MYH14: variants seen among roughly 807,000 people sequenced by gnomAD.
The protein encoded by MYH14 is myosin-14.
MYH14 carries 123 observed loss-of-function variants against 255.5 expected under a neutral mutation model. The ratio of observed to expected loss-of-function variants is 0.48; its 90% confidence interval spans 0.42 to 0.56. MYH14 has a LOEUF of 0.56. Ranked by LOEUF, MYH14 falls within the 20% of genes least tolerant of loss-of-function variation. MYH14 has a pLI of 0.00. For synonymous variants in MYH14, 1,095 were observed against 1,161.2 expected, an observed-to-expected ratio of 0.94 and a Z score of 1.16; for missense variants, 2,423 against 2,802.3, an observed-to-expected ratio of 0.86 and a Z score of 3.06.
intron 3 of MYH14, among the ~76,000 whole-genome samples, chr19:50,222,179 C>T (rs1032740510): frequency 2.0e-5 from 3 of 152,046 alleles, no homozygotes; most frequent in South Asian, 4.2e-4. Flanking sequence ...TAATTACCCC[C>T]GTTTAAGAAC....
At chr19:50,268,390 C>G (rs866338416) in intron 24 of MYH14, 23 bp downstream of exon 24, 1 of 1,548,790 alleles carries the variant, frequency 6.5e-7, no homozygotes, top group South Asian at 1.2e-5. Flanking sequence ...GCATGCCCAC[C>G]AGGCCACCCT....
At chr19:50,224,771 T>C in intron 6 of MYH14, 2 of 456,426 alleles carry the variant, frequency 4.4e-6, no homozygotes, top group South Asian at 3.1e-5. Context: ...GCCAGACTGC[T>C]TGAAGCACTT....
chr19:50,290,988 T>C lies in MYH14; in HGVS notation c.5067T>C (p.Ala1689=), dbSNP rs1323113798. The change falls in exon 36 of 43, where the codon GCT becomes GCC. Residue 1689 remains alanine, a synonymous_variant. Transcript: ENST00000642316. ...KLEGELEELK[A]QMASAGQGKE... ...AGGGAGAGCTGGAGGAGCTGAAGGC[T>C]CAGATGGCCTCTGCCGGCCAGGGCA... 1.2e-6 allele frequency: 2 copies of C among 1,610,966 alleles called. No homozygotes were observed. Among genetic ancestry groups the C allele is most frequent in the Non-Finnish European group, 1.7e-6 (2 of 1,179,040 alleles).
intron 19 of MYH14, among the ~76,000 whole-genome samples, chr19:50,260,010 T>C (rs1252109510): frequency 6.6e-6 from 1 of 152,036 alleles, no homozygotes; most frequent in Non-Finnish European, 1.5e-5. Flanking sequence ...GCACCGTCCC[T>C]TAGAAGTAGA....
chr19:50,306,534 T>C (rs2036659728), intron 40 of MYH14, among the ~76,000 whole-genome samples: 1 of 152,078 alleles, frequency 6.6e-6, no homozygotes, highest in Non-Finnish European at 1.5e-5. Context: ...TGAAATAAAC[T>C]GACAATAAAT....
At position 50,289,461 on chromosome 19, in the gene MYH14, G is replaced by A. The variant is rs776185423; in HGVS notation, c.4778G>A (p.Arg1593Gln). 31 of 1,611,634 alleles carry A rather than the reference G, an allele frequency of 1.9e-5. No homozygotes were observed. The highest frequency in any genetic ancestry group is 2.3e-5 in the Non-Finnish European group (27 of 1,179,116). ...KSVHELERAC[R>Q]VAEQAANDLR... ...GTGCATGAGCTGGAACGAGCCTGCC[G>A]GGTAGCAGAACAGGCAGCCAATGAT... Residue 1593 changes from arginine (R) to glutamine (Q), a missense_variant, in exon 35 of 43, where the codon CGG (arginine) becomes CAG (glutamine). Transcript: ENST00000642316.
intron 2 of MYH14, among the ~76,000 whole-genome samples, chr19:50,216,029 A>G (rs2032455570): frequency 6.6e-6 from 1 of 152,224 alleles, no homozygotes; most frequent in Admixed American, 6.5e-5. Context: ...TAGTTTAGCT[A>G]GCTAACTTTA....
At chr19:50,229,437 C>T (rs1013273431) in intron 8 of MYH14, among the ~76,000 whole-genome samples, 15 of 152,062 alleles carry the variant, frequency 9.9e-5, no homozygotes, top group African/African-American at 3.6e-4. Context: ...CACTTGAGCT[C>T]AGGAATTCGA....
chr19:50,267,044 T>TTG, intron 23 of MYH14, 36 bp downstream of exon 23: 1 of 1,446,036 alleles, frequency 6.9e-7, no homozygotes, highest in Non-Finnish European at 9.2e-7. Context: ...GGGCGTGTCT[T>TTG]CGGGGTGGGG....
rs369127307 is a variant in MYH14 at position 50,278,247 on chromosome 19, G to A, written c.3990G>A (p.Glu1330=). The A allele has an allele frequency of 3.1e-6, 5 of 1,591,234 alleles. No individual in the cohort carries two copies. The East Asian group carries it at 1.1e-4, about 36-fold the overall frequency. ...QEVQGRAGDG[E]RARAEAAEKL... is the part of the protein sequence containing the mutation. ...TGCAGGGCCGGGCTGGTGATGGGGA[G>A]AGGGCACGAGCGGAGGCTGCTGAGA... Residue 1330 remains glutamate, a synonymous_variant, in exon 30 of 43, where the codon GAG becomes GAA. Coordinates refer to ENST00000642316, the MANE Select transcript of MYH14 (RefSeq NM_001145809.2).
chr19:50,268,352 G>A lies in MYH14; in HGVS notation c.3018G>A (p.Leu1006=), dbSNP rs3745504. ...AAATGCAAACCGAGAAGAAGAGGCT[G>A]CAGCAGCACATACAGGTCTGGCCCC... is the stretch of plus-strand genomic sequence containing the variant. ...SRQMQTEKKR[L]QQHIQELEAH... Residue 1006 remains leucine, a synonymous_variant, in exon 24 of 43, where the codon CTG becomes CTA. Coordinates refer to ENST00000642316, the MANE Select transcript of MYH14 (RefSeq NM_001145809.2). 0.55 allele frequency: 864,532 copies of A among 1,572,796 alleles called. 240,711 individuals are homozygous for A. Among genetic ancestry groups the A allele is most frequent in the Admixed American group, 0.71 (38,548 of 54,196 alleles).
chr19:50,225,516 C>G (rs939259368), intron 6 of MYH14, 69 bp from the exon 7 acceptor site: 14 of 1,260,152 alleles, frequency 1.1e-5, no homozygotes, highest in Admixed American at 2.0e-5. Context: ...AGACACAGCC[C>G]GAGCTGGGCT....
Position 50,230,681 on chromosome 19 carries a change from C to A in MYH14, c.973+58C>A. ...GGGAGAGGGTGGGCACCATGTCTCTCGGGGGCCCCTTCTGGGGAGGAAGCA... is the reference window on the plus strand; with the variant it reads ...GGGAGAGGGTGGGCACCATGTCTCTAGGGGGCCCCTTCTGGGGAGGAAGCA... On this transcript the variant is annotated intron_variant, in intron 9 of 42. Coordinates refer to ENST00000642316, the MANE Select transcript of MYH14 (RefSeq NM_001145809.2). The surrounding 1 kb of genome is among the most constrained non-coding windows in gnomAD (Gnocchi z 4.7). The A allele has an allele frequency of 6.8e-7, 1 of 1,471,542 alleles. No homozygotes were observed. Among genetic ancestry groups the A allele is most frequent in the South Asian group, 1.2e-5 (1 of 82,532 alleles). The allele number at this position is 1,471,542 out of a possible 1,614,324, so 91.2% of individuals were successfully genotyped here.
chr19:50,206,254 G>A (rs1489757474), intron 1 of MYH14, among the ~76,000 whole-genome samples: 1 of 152,104 alleles, frequency 6.6e-6, no homozygotes. Flanking sequence ...TGGGAGAGGA[G>A]GAGGCTGGGA....
chr19:50,208,339 C>T (rs889115550), intron 1 of MYH14, among the ~76,000 whole-genome samples: 4 of 152,028 alleles, frequency 2.6e-5, no homozygotes, highest in Admixed American at 6.6e-5. Context: ...CTCTTGAAAC[C>T]GGGAGGCAGA....
At chr19:50,287,600 A>G (rs2035934868) in intron 34 of MYH14, among the ~76,000 whole-genome samples, 1 of 151,962 alleles carries the variant, frequency 6.6e-6, no homozygotes, top group Non-Finnish European at 1.5e-5. Context: ...TTTTGTGGAG[A>G]TGGGGTCTTG....
At chr19:50,232,100 G>T in intron 10 of MYH14, 30 bp downstream of exon 10, 1 of 1,605,054 alleles carries the variant, frequency 6.2e-7, no homozygotes. Context: ...GCCAGGGGTA[G>T]GGGGGAACCC....
At chr19:50,260,197 C>T (rs1364478248) in intron 19 of MYH14, among the ~76,000 whole-genome samples, 2 of 152,120 alleles carry the variant, frequency 1.3e-5, no homozygotes, top group Admixed American at 6.5e-5. Context: ...GAGGCCGAGG[C>T]GGGTGGATCA....
Position 50,250,744 on chromosome 19 carries a change from CT to C in MYH14, c.1830+57del. 7 of 1,548,236 alleles carry C rather than the reference CT, an allele frequency of 4.5e-6. No homozygotes were observed. The South Asian group carries it at 8.4e-5, about 19-fold the overall frequency. The stretch of plus-strand genomic sequence containing the variant: ...GGGAGTGGGGATCAAGGGATCTCCA[CT>C]GGCTACAGATGGGGGGAGGGTGCAG... On this transcript the variant is annotated intron_variant, in intron 15 of 42. Coordinates refer to ENST00000642316, the MANE Select transcript of MYH14 (RefSeq NM_001145809.2). This position sits in a 1 kb window ranked among gnomAD's most constrained non-coding sequence, Gnocchi z 5.4.
Sources: gnomAD v4.1 joint callset for allele counts (sites outside exome capture counted in the v4.1 genomes callset) on GRCh38, gnomAD v4.1.1 for gene constraint, Gnocchi (gnomAD v3.1) non-coding constraint, MANE v1.5 for transcripts, NCBI Gene and HGNC (gene_info 2026-07-23, HGNC 2026-07-21) for gene names.